Variants in FNBP4 observed in about 807,000 individuals in gnomAD.
The protein encoded by FNBP4 is formin binding protein 4.
Under a neutral mutation model 119.3 loss-of-function variants are expected in FNBP4, and 34 were observed. The ratio of observed to expected loss-of-function variants is 0.28; its 90% CI spans 0.22 to 0.38. The LOEUF (loss-of-function observed/expected upper bound fraction) is 0.38. Ranked by LOEUF, FNBP4 falls within the 10% of genes least tolerant of loss-of-function variation. FNBP4 has a pLI of 1.00. For missense variants in FNBP4, 1,112 were observed against 1,228.9 expected, an observed-to-expected ratio of 0.90 and a Z score of 1.42; for synonymous variants, 462 against 430.6, an observed-to-expected ratio of 1.07 and a Z score of -0.90.
rs372038475 is a variant in FNBP4, at chr11:47,754,945, C to T, written c.314-281G>A. Among the ~76,000 whole-genome samples the T allele has an allele frequency of 9.2e-5, 14 of 151,532 alleles. No homozygotes were observed. In the East Asian group the frequency reaches 2.3e-3, roughly 25 times the overall value. On this transcript the variant is annotated intron_variant, in intron 2 of 16. Coordinates refer to ENST00000263773, the MANE Select transcript of FNBP4 (RefSeq NM_015308.5). ...ATCATGAGGTCAGGCGTTTTGAGAC[C>T]AGCCTGGGCAACATGGTGAAACCCC...
chr11:47,766,037 T>C (rs1037938450), intron 1 of FNBP4, among the ~76,000 whole-genome samples: 3 of 151,858 alleles, frequency 2.0e-5, no homozygotes, highest in African/African-American at 7.3e-5. Context: ...CTTACCATGG[T>C]AAATAAAAAT....
chr11:47,736,233 T>C (rs2097573888), intron 9 of FNBP4, among the ~76,000 whole-genome samples: 1 of 131,940 alleles, frequency 7.6e-6, no homozygotes. Flanking sequence ...AGAGCAACAC[T>C]CTCTCTTGGG....
intron 13 of FNBP4, 122 bp downstream of exon 13, chr11:47,724,346 G>A (rs576069234): frequency 6.4e-7 from 1 of 1,558,582 alleles, no homozygotes; most frequent in South Asian, 1.2e-5. Flanking sequence ...CCTCCCAAAG[G>A]TCTAGGATAT....
chr11:47,725,562 A>AT (rs1018646230), intron 12 of FNBP4: 2 of 153,690 alleles, frequency 1.3e-5, no homozygotes, highest in East Asian at 1.9e-4. Context: ...TATAACTCAG[A>AT]TTTTTTAAAA....
chr11:47,719,559 T>TA (rs2097553129), intron 16 of FNBP4, among the ~76,000 whole-genome samples: 1 of 146,118 alleles, frequency 6.8e-6, no homozygotes, highest in Non-Finnish European at 1.5e-5. Context: ...TAAAATAAGT[T>TA]AATATGTTAT....
At chr11:47,757,868 G>A (rs1565163592) in intron 2 of FNBP4, among the ~76,000 whole-genome samples, 1 of 152,160 alleles carries the variant, frequency 6.6e-6, no homozygotes, top group African/African-American at 2.4e-5. Flanking sequence ...TATTGCCAAG[G>A]CAGAAGCAGT....
intron 6 of FNBP4, among the ~76,000 whole-genome samples, chr11:47,746,711 C>T (rs2097591069): frequency 6.6e-6 from 1 of 152,028 alleles, no homozygotes; most frequent in South Asian, 2.1e-4. Context: ...AGGCCTTTCA[C>T]CACGTTGGCC....
chr11:47,724,789 AG>A lies in FNBP4; in HGVS notation c.2009-12del. The stretch of plus-strand genomic sequence containing the variant: ...CTTTACAAAGAGAACCTATGAAAAC[AG>A]GTAAGAGTCAGGGAAAAAGCAAGAA... On this transcript the variant is annotated splice_polypyrimidine_tract_variant and intron_variant, in intron 12 of 16. Coordinates refer to ENST00000263773, the MANE Select transcript of FNBP4 (RefSeq NM_015308.5). 6 of 1,529,278 alleles carry A rather than the reference AG, an allele frequency of 3.9e-6. No homozygotes were observed. Among genetic ancestry groups the A allele is most frequent in the Non-Finnish European group, 5.3e-6 (6 of 1,141,442 alleles). 94.7% of individuals were successfully genotyped at this position (1,529,278 alleles called of 1,614,324 possible).
rs1427876775 is a variant in FNBP4 at position 47,724,033 on chromosome 11, G to A, written c.2459C>T (p.Ala820Val). The change falls in exon 14 of 17, where the codon GCT becomes GTT. Residue 820 changes from alanine to valine, a missense_variant. Physicochemically the swap from Ala to Val is moderately conservative, Grantham distance 64. Around this residue, in one of 2 missense-constraint regions of FNBP4, gnomAD observed 826 missense variants for 988.8 expected, o/e 0.84. Transcript: ENST00000263773. ...CACGCTCTATGCACAATTACCTGTA[G>A]CTATAGCTGACTGGCTATAGAGAAC... ...SPVLYSQSAIATGHQAAGIGN... is the reference protein window; with the variant it reads ...SPVLYSQSAIVTGHQAAGIGN... 1.2e-5 allele frequency: 19 copies of A among 1,613,900 alleles called. No homozygotes were observed. The highest frequency in any genetic ancestry group is 1.6e-5 in the Non-Finnish European group (19 of 1,179,992).
chr11:47,747,089 T>C (rs139085321), intron 6 of FNBP4, among the ~76,000 whole-genome samples: 22 of 152,094 alleles, frequency 1.4e-4, no homozygotes, highest in African/African-American at 3.1e-4. Flanking sequence ...AGGAGTGCAA[T>C]TGCGTGATCT....
rs1176070420 is a variant in FNBP4, at chr11:47,765,303, T to C, written c.280A>G (p.Met94Val). ...TTAACAGCTGTGGGTCTAGTGGTCA[T>C]GACTGGTTTTGGAGGATTCTGAACA... ...RVVQNPPKPV[M>V]TTRPTAVKAT... Residue 94 changes from methionine (M) to valine (V), a missense_variant, in exon 2 of 17, where the codon ATG (methionine) becomes GTG (valine). By Grantham distance (21) the Met-to-Val change is conservative. Transcript: ENST00000263773. 9 of 1,612,640 alleles carry C rather than the reference T, an allele frequency of 5.6e-6. No individual in the cohort carries two copies. The highest frequency in any genetic ancestry group is 1.1e-5 in the South Asian group (1 of 90,798).
At chr11:47,759,240 T>C (rs1307849536) in intron 2 of FNBP4, among the ~76,000 whole-genome samples, 2 of 139,232 alleles carry the variant, frequency 1.4e-5, no homozygotes, top group Admixed American at 1.5e-4. Flanking sequence ...GTATGGAGTT[T>C]CGCTCTTCTT....
At chr11:47,754,451 C>CAACTT in intron 3 of FNBP4, 77 bp downstream of exon 3, 10 of 1,448,180 alleles carry the variant, frequency 6.9e-6, no homozygotes, top group Non-Finnish European at 9.5e-6. Context: ...ATTGAACTGA[C>CAACTT]AAGTACGCTG....
chr11:47,720,227 C>T (rs979169503), intron 15 of FNBP4, 141 bp from the exon 16 acceptor site: 7 of 835,506 alleles, frequency 8.4e-6, no homozygotes, highest in East Asian at 6.0e-5. Flanking sequence ...ATTCTAAGTT[C>T]TTGCCATAAA....
intron 2 of FNBP4, among the ~76,000 whole-genome samples, chr11:47,760,993 G>T (rs564004528): frequency 6.6e-6 from 1 of 152,230 alleles, no homozygotes; most frequent in African/African-American, 2.4e-5. Context: ...CAAAGCTTCT[G>T]GTGGCTTGCT....
intron 5 of FNBP4, 52 bp from the exon 6 acceptor site, chr11:47,751,088 A>G (rs1209616087): frequency 6.2e-7 from 1 of 1,612,780 alleles, no homozygotes; most frequent in East Asian, 2.2e-5. Flanking sequence ...ACTATCAGCA[A>G]AAGATAAGGC....
At position 47,717,184 on chromosome 11, in the gene FNBP4, T is replaced by G. The variant is rs913314969; in HGVS notation, c.*238A>C. On this transcript the variant is annotated 3_prime_UTR_variant, in exon 17 of 17. Transcript: ENST00000263773. ...GTTAATACACCTAACATGCTAAGTTTGCCAGTTTGAGAATAAAGGCAGCAT... is the reference window on the plus strand; with the variant it reads ...GTTAATACACCTAACATGCTAAGTTGGCCAGTTTGAGAATAAAGGCAGCAT... The G allele has an allele frequency of 8.8e-6, 4 of 456,116 alleles. No individual in the cohort carries two copies. Among genetic ancestry groups the G allele is most frequent in the African/African-American group, 7.9e-5 (4 of 50,722 alleles). 28.3% of individuals were successfully genotyped at this position (456,116 alleles called of 1,614,324 possible).
At chr11:47,722,888 G>GC in intron 15 of FNBP4, 88 bp downstream of exon 15, 1 of 1,384,468 alleles carries the variant, frequency 7.2e-7, no homozygotes, top group Non-Finnish European at 9.5e-7. Context: ...ACAGTGCCCA[G>GC]CCTGAAAATG....
chr11:47,717,381 AAAAC>A lies in FNBP4; in HGVS notation c.*37_*40del, dbSNP rs554229876. 288 of 1,389,518 alleles carry A rather than the reference AAAAC, an allele frequency of 2.1e-4. No homozygotes were observed. The African/African-American group carries it at 2.1e-3, about 10-fold the overall frequency. The allele number at this position is 1,389,518 out of a possible 1,614,324, so 86.1% of individuals were successfully genotyped here. A position where few individuals can be genotyped will look rare whatever the true frequency, so the allele number is the denominator to read the frequency against. The stretch of plus-strand genomic sequence containing the variant: ...CTGGTTAAGACTTTGAACTGAACAC[AAAAC>A]AAACAATAATACAAAAAAGTTTTAA... On this transcript the variant is annotated 3_prime_UTR_variant, in exon 17 of 17. Transcript: ENST00000263773.
Sources: gnomAD v4.1 joint callset for allele counts (sites outside exome capture counted in the v4.1 genomes callset) on GRCh38, gnomAD v4.1.1 for gene constraint, gnomAD v4.1.1 regional missense constraint, MANE v1.5 for transcripts, NCBI Gene and HGNC (gene_info 2026-07-23, HGNC 2026-07-21) for gene names.